Variants in PAM observed in about 807,000 individuals in gnomAD.
PAM encodes the protein peptidylglycine alpha-amidating monooxygenase, also known as peptidyl-glycine alpha-amidating monooxygenase.
In PAM, 72 loss-of-function variants were observed where a neutral mutation model predicts 122.1. That is an observed-to-expected ratio of 0.59 (90% CI 0.49 to 0.72). The LOEUF (loss-of-function observed/expected upper bound fraction) is 0.72, where lower values mean the gene tolerates loss of function less well. PAM is among the 30% of genes least tolerant of loss of function. The pLI is 0.00. For missense variants in PAM, 1,106 were observed against 1,183.7 expected, an observed-to-expected ratio of 0.93 and a Z score of 0.96; for synonymous variants, 389 against 404.4, an observed-to-expected ratio of 0.96 and a Z score of 0.46.
chr5:102,922,135 G>T (rs1313374617), intron 5 of PAM, among the ~76,000 whole-genome samples: 1 of 151,972 alleles, frequency 6.6e-6, no homozygotes, highest in African/African-American at 2.4e-5. Flanking sequence ...AACTCACCGA[G>T]AGGTAAGTTT....
intron 3 of PAM, among the ~76,000 whole-genome samples, chr5:102,890,248 C>A (rs1794399750): frequency 6.6e-6 from 1 of 151,804 alleles, no homozygotes; most frequent in South Asian, 2.1e-4. Context: ...GTATTACCAG[C>A]AGAAGGTAAT....
chr5:102,858,572 A>C (rs946941881), intron 1 of PAM, among the ~76,000 whole-genome samples: 2 of 152,198 alleles, frequency 1.3e-5, no homozygotes, highest in Non-Finnish European at 2.9e-5. Context: ...CAGAGGAAGA[A>C]TTTTTCTTTT....
At position 103,009,780 on chromosome 5, in the gene PAM, C is replaced by A; in HGVS notation, c.2245C>A (p.His749Asn). 1.9e-6 allele frequency: 3 copies of A among 1,611,646 alleles called. No individual in the cohort carries two copies. Among genetic ancestry groups the A allele is most frequent in the Middle Eastern group, 1.7e-4 (1 of 6,050 alleles). The stretch of plus-strand genomic sequence containing the variant: ...GCTCTTTGCAGTGAATGGGAAGCCT[C>A]ATTTTGGGGACCAAGAACCTGTACA... ...GLLFAVNGKP[H>N]FGDQEPVQGF... The change falls in exon 21 of 26, where the codon CAT (histidine) becomes AAT (asparagine). Residue 749 changes from histidine (H) to asparagine (N), a missense_variant. Around this residue, in one of 3 missense-constraint regions of PAM, gnomAD observed 333 missense variants for 335.6 expected, o/e 0.99. Coordinates refer to ENST00000438793, the MANE Select transcript of PAM (RefSeq NM_001177306.2).
intron 1 of PAM, among the ~76,000 whole-genome samples, chr5:102,758,127 C>G (rs529442102): frequency 9.0e-6 from 1 of 111,336 alleles, no homozygotes; most frequent in African/African-American, 3.4e-5. Flanking sequence ...AAAGAATGAG[C>G]AAGAATTCCA....
chr5:102,799,557 G>A (rs1025235282), intron 1 of PAM, among the ~76,000 whole-genome samples: 14 of 152,138 alleles, frequency 9.2e-5, no homozygotes, highest in African/African-American at 2.2e-4. Flanking sequence ...TAGCTATAGC[G>A]TAGGTATAGT....
At chr5:102,950,639 T>C in intron 11 of PAM, 78 bp from the exon 12 acceptor site, 1 of 860,626 alleles carries the variant, frequency 1.2e-6, no homozygotes, top group Non-Finnish European at 1.9e-6. Flanking sequence ...AGGAGGAACA[T>C]ACCTCAACAC....
Position 102,820,875 on chromosome 5 carries a change from C to G in PAM, c.-373-44948C>G, listed in dbSNP as rs563021901. ...TAAATTTAAAAACATTCTGAAGAAC[C>G]CTGGAATACACTCATTGCTTTGGTT... On this transcript the variant is annotated intron_variant, in intron 1 of 25. Coordinates refer to ENST00000438793, the MANE Select transcript of PAM (RefSeq NM_001177306.2). Among the ~76,000 whole-genome samples, 390 of 152,076 alleles carry G rather than the reference C, an allele frequency of 2.6e-3. 2 individuals carry two copies. Among genetic ancestry groups the G allele is most frequent in the Non-Finnish European group, 3.7e-3 (253 of 67,976 alleles).
intron 5 of PAM, among the ~76,000 whole-genome samples, chr5:102,921,450 G>A (rs187630542): frequency 8.3e-4 from 127 of 152,214 alleles, no homozygotes; most frequent in Non-Finnish European, 1.6e-3. Flanking sequence ...TATGTTATCA[G>A]TTATAGAACT....
At chr5:102,963,356 A>G (rs1362317575) in intron 14 of PAM, among the ~76,000 whole-genome samples, 1 of 151,992 alleles carries the variant, frequency 6.6e-6, no homozygotes, top group Non-Finnish European at 1.5e-5. Flanking sequence ...TTGTTTGCAC[A>G]AAGTGTCTAT....
chr5:102,934,814 A>G (rs1001322764), intron 7 of PAM, among the ~76,000 whole-genome samples: 1 of 152,216 alleles, frequency 6.6e-6, no homozygotes, highest in Non-Finnish European at 1.5e-5. Context: ...AAATATCATC[A>G]TATTCATTCA....
At chr5:102,905,150 A>G (rs902110234) in intron 4 of PAM, among the ~76,000 whole-genome samples, 14 of 151,646 alleles carry the variant, frequency 9.2e-5, no homozygotes, top group African/African-American at 3.1e-4. Flanking sequence ...TGAAAGTATA[A>G]TAATATCTGC....
intron 15 of PAM, among the ~76,000 whole-genome samples, chr5:102,979,972 G>C (rs1198462999): frequency 6.6e-6 from 1 of 151,804 alleles, no homozygotes; most frequent in Non-Finnish European, 1.5e-5. Context: ...GATTTCAGGG[G>C]TTCTTTCAAC....
chr5:102,782,994 G>A (rs1205223152), intron 1 of PAM, among the ~76,000 whole-genome samples: 1 of 151,802 alleles, frequency 6.6e-6, no homozygotes, highest in African/African-American at 2.4e-5. Context: ...ATGGAAACTT[G>A]GCAGGAAAAT....
chr5:102,862,123 T>C (rs1241812725), intron 1 of PAM, among the ~76,000 whole-genome samples: 1 of 149,562 alleles, frequency 6.7e-6, no homozygotes, highest in Non-Finnish European at 1.5e-5. Flanking sequence ...TGAGCCAAAA[T>C]TGCGCCACTG....
chr5:102,861,065 G>A (rs1784042316), intron 1 of PAM, among the ~76,000 whole-genome samples: 1 of 152,136 alleles, frequency 6.6e-6, no homozygotes, highest in African/African-American at 2.4e-5. Context: ...CAAGTAGCCC[G>A]AGAGAGAAGC....
At chr5:102,907,669 T>C (rs1202615439) in intron 4 of PAM, among the ~76,000 whole-genome samples, 2 of 151,836 alleles carry the variant, frequency 1.3e-5, no homozygotes, top group African/African-American at 4.8e-5. Flanking sequence ...CCATTCTAAC[T>C]GGTGTGAGAT....
chr5:102,876,809 G>A (rs1266627500), intron 3 of PAM, among the ~76,000 whole-genome samples: 2 of 152,198 alleles, frequency 1.3e-5, no homozygotes. Context: ...GAAGGCAAAG[G>A]CTCTATTCTC....
chr5:102,899,437 A>G (rs1482791779), intron 3 of PAM, among the ~76,000 whole-genome samples: 1 of 151,708 alleles, frequency 6.6e-6, no homozygotes, highest in African/African-American at 2.4e-5. Flanking sequence ...AACTTATAAT[A>G]AAATCAAAGA....
rs1752607885 is a variant in PAM at position 102,934,481 on chromosome 5, A to G, written c.526+7813A>G. On this transcript the variant is annotated intron_variant, in intron 7 of 25. Transcript: ENST00000438793. The stretch of plus-strand genomic sequence containing the variant: ...TGTCAGAAATATGGTTCCAGGAAGG[A>G]TACACTTTTACCTCAGTTTTCCTTC... Among the ~76,000 whole-genome samples, 3 of 152,262 alleles carry G rather than the reference A, an allele frequency of 2.0e-5. No individual in the cohort carries two copies. The South Asian group carries it at 6.2e-4, about 32-fold the overall frequency.
Sources: gnomAD v4.1 joint callset for allele counts (sites outside exome capture counted in the v4.1 genomes callset) on GRCh38, gnomAD v4.1.1 for gene constraint, gnomAD v4.1.1 regional missense constraint, MANE v1.5 for transcripts, NCBI Gene and HGNC (gene_info 2026-07-23, HGNC 2026-07-21) for gene names.